The following TBL1X variants were observed in gnomAD, a reference collection of about 807,000 sequenced individuals.
TBL1X encodes the protein F-box-like/WD repeat-containing protein TBL1X.
Under a neutral mutation model 50.7 loss-of-function variants are expected in TBL1X, and 10 were observed. That is an observed-to-expected ratio of 0.20 (90% CI 0.12 to 0.33). The LOEUF is 0.33. Ranked by LOEUF, TBL1X falls within the 10% of genes least tolerant of loss-of-function variation. The probability of loss-of-function intolerance (pLI) is 1.00; values close to 1 mark genes in which losing one functional copy is unlikely to be tolerated. For missense variants in TBL1X, 340 were observed against 504.4 expected (o/e 0.67, Z 3.12); for synonymous variants, 190 against 214.7 (o/e 0.88, Z 1.01).
intron 2 of TBL1X, among the ~76,000 whole-genome samples, chrX:9,590,469 A>G (rs746921890): frequency 8.9e-6 from 1 of 112,211 alleles, no homozygotes; most frequent in Admixed American, 9.4e-5. Flanking sequence ...TGGTGTCGCC[A>G]TAAGTTTTTT....
chrX:9,628,772 T>A (rs2082705792), intron 2 of TBL1X, among the ~76,000 whole-genome samples: 1 of 112,023 alleles, frequency 8.9e-6, no homozygotes, highest in African/African-American at 3.2e-5. Flanking sequence ...GGTCTCAAAC[T>A]CCTGACCTCA....
intron 2 of TBL1X, chrX:9,531,013 A>T (rs2082157306): frequency 9.0e-6 from 1 of 111,614 alleles, no homozygotes; most frequent in South Asian, 3.7e-4. Flanking sequence ...CTTGAGCGGG[A>T]TGTGTGCTTG....
chrX:9,682,732 GC>G (rs1179676274), intron 5 of TBL1X, among the ~76,000 whole-genome samples: 2 of 112,275 alleles, frequency 1.8e-5, no homozygotes, highest in Non-Finnish European at 3.8e-5. Flanking sequence ...ATGAAAGGCG[GC>G]GGAAGAGGAG....
intron 16 of TBL1X, among the ~76,000 whole-genome samples, chrX:9,713,953 A>C (rs1308481605): frequency 9.0e-6 from 1 of 110,814 alleles, no homozygotes; most frequent in African/African-American, 3.3e-5. Flanking sequence ...GTGAAGGCTT[A>C]TTCGACTCTT....
chrX:9,676,274 C>G (rs779501742), intron 5 of TBL1X, among the ~76,000 whole-genome samples: 3 of 111,970 alleles, frequency 2.7e-5, no homozygotes, highest in African/African-American at 6.5e-5. Context: ...CTGGCATCAC[C>G]TCCACTACAA....
intron 2 of TBL1X, among the ~76,000 whole-genome samples, chrX:9,610,776 TGAAAG>T (rs2082609490): frequency 1.8e-5 from 2 of 112,334 alleles, no homozygotes; most frequent in South Asian, 3.7e-4. Flanking sequence ...TGAAAACAAA[TGAAAG>T]GAGAGGGAAA....
At chrX:9,692,923 G>C (rs1221477423) in intron 9 of TBL1X, among the ~76,000 whole-genome samples, 1 of 112,677 alleles carries the variant, frequency 8.9e-6, no homozygotes, top group Non-Finnish European at 1.9e-5. Context: ...TTCAGCACCA[G>C]GTGTTCTGTG....
chrX:9,475,630 T>G (rs1479274332), intron 1 of TBL1X, among the ~76,000 whole-genome samples: 1 of 109,478 alleles, frequency 9.1e-6, no homozygotes, highest in African/African-American at 3.3e-5. Context: ...TATTCACAAC[T>G]CAGACCACAT....
chrX:9,701,592 AAAAAG>A (rs1479628151), intron 12 of TBL1X, among the ~76,000 whole-genome samples: 2 of 105,988 alleles, frequency 1.9e-5, no homozygotes, highest in Non-Finnish European at 3.9e-5. Flanking sequence ...AAAAAAAAAA[AAAAAG>A]AAGAAGAAAA....
At chrX:9,623,548 A>G (rs970174999) in intron 2 of TBL1X, among the ~76,000 whole-genome samples, 2 of 111,251 alleles carry the variant, frequency 1.8e-5, no homozygotes, top group African/African-American at 3.3e-5. Context: ...TTAGCGGGGC[A>G]TAGTGGTGCA....
intron 1 of TBL1X, among the ~76,000 whole-genome samples, chrX:9,492,881 GTGTGTGTGTGTGT>G (rs764650193): frequency 0.18 from 10,028 of 56,329 alleles, 781 homozygotes; most frequent in Non-Finnish European, 0.21. Flanking sequence ...GTGTGTGTGT[GTGTGTGTGTGTGT>G]GTGTAGGGGA....
chrX:9,563,961 A>C (rs1448183429), intron 2 of TBL1X, among the ~76,000 whole-genome samples: 5 of 112,776 alleles, frequency 4.4e-5, no homozygotes. Flanking sequence ...CACTTCCCGG[A>C]TTTAAAAAAG....
chrX:9,531,354 G>GGTGTGTGTGTGTGTGTGTGTGTGT (rs57905343), intron 2 of TBL1X, among the ~76,000 whole-genome samples: 7 of 75,225 alleles, frequency 9.3e-5, no homozygotes, highest in Admixed American at 3.3e-4. Context: ...GAACCTGGAG[G>GGTGTGTGTGTGTGTGTGTGTGTGT]GTGTGTGTGT....
chrX:9,671,751 G>A (rs1351159231), intron 5 of TBL1X, among the ~76,000 whole-genome samples: 1 of 112,206 alleles, frequency 8.9e-6, no homozygotes, highest in African/African-American at 3.2e-5. Context: ...TCACATGGGA[G>A]GTTATGAAGG....
intron 7 of TBL1X, among the ~76,000 whole-genome samples, chrX:9,689,925 C>T (rs1219495371): frequency 8.9e-6 from 1 of 112,564 alleles, no homozygotes; most frequent in Non-Finnish European, 1.9e-5. Flanking sequence ...CTAAGCAGGA[C>T]CACCAGGCGT....
At chrX:9,707,822 C>T (rs1569106429) in intron 13 of TBL1X, among the ~76,000 whole-genome samples, 1 of 112,300 alleles carries the variant, frequency 8.9e-6, no homozygotes, top group Non-Finnish European at 1.9e-5. Context: ...CTCGCAGCAG[C>T]CTGCCCCTGG....
At position 9,600,476 on chromosome X, in the gene TBL1X, G is replaced by GGT. The variant is rs113321943; in HGVS notation, c.-130-39796_-130-39795insTG. On this transcript the variant is annotated intron_variant, in intron 2 of 17. Transcript: ENST00000645353. The stretch of plus-strand genomic sequence containing the variant: ...ACATAGGAATTTGGTGGGCGGGGGG[G>GGT]GGGGTACACAAATGTCCGGACCATA... 1.4e-4 allele frequency among the ~76,000 whole-genome samples: 5 copies of GGT among 36,059 alleles called. 1 individual carries two copies. Among genetic ancestry groups the GGT allele is most frequent in the African/African-American group, 6.3e-4 (5 of 7,881 alleles). 31.3% of individuals were successfully genotyped at this position (36,059 alleles called of 115,157 possible).
intron 2 of TBL1X, among the ~76,000 whole-genome samples, chrX:9,599,749 C>T (rs2082544895): frequency 1.8e-5 from 2 of 111,457 alleles, no homozygotes; most frequent in South Asian, 8.0e-4. Flanking sequence ...AAGCTAAAAA[C>T]GAACAAACAA....
chrX:9,606,969 G>A (rs1018791202), intron 2 of TBL1X, among the ~76,000 whole-genome samples: 3 of 112,293 alleles, frequency 2.7e-5, no homozygotes, highest in Admixed American at 9.4e-5. Flanking sequence ...AGTCTTCTGT[G>A]CAAAGTTAGC....
Sources: gnomAD v4.1 joint callset for allele counts (sites outside exome capture counted in the v4.1 genomes callset) on GRCh38, gnomAD v4.1.1 for gene constraint, MANE v1.5 for transcripts, NCBI Gene and HGNC (gene_info 2026-07-23, HGNC 2026-07-21) for gene names.